AMH: variants seen among roughly 807,000 people sequenced by gnomAD.
AMH encodes the protein anti-Mullerian hormone.
A neutral mutation model predicts 33.3 loss-of-function variants in AMH; 39 were observed. That is an observed-to-expected ratio of 1.17 (90% CI 0.91 to 1.53). The LOEUF is 1.53. Among genes scored for constraint, AMH ranks in the 40% most tolerant of loss-of-function variants. The pLI is 0.00. For missense variants in AMH, 1,019 were observed against 799.8 expected (o/e 1.27, Z -3.30); for synonymous variants, 536 against 403.0 (o/e 1.33, Z -3.95).
rs774060964 is a variant in AMH at position 2,249,336 on chromosome 19, C to G, written c.4C>G (p.Arg2Gly). The part of the protein sequence containing the change: M[R>G]DLPLTSLALV... Reference sequence around the variant, plus strand: ...CCAGCCCCTGGCAGCACCCACGATGCGGGACCTGCCTCTCACCAGCCTGGC... The same window carrying G: ...CCAGCCCCTGGCAGCACCCACGATGGGGGACCTGCCTCTCACCAGCCTGGC... Residue 2 changes from arginine to glycine, a missense_variant, in exon 1 of 5, where the codon CGG becomes GGG. Transcript: ENST00000221496. 2 of 1,564,810 alleles carry G rather than the reference C, an allele frequency of 1.3e-6. No homozygotes were observed. The highest frequency in any genetic ancestry group is 2.3e-5 in the South Asian group (2 of 85,644).
At position 2,251,166 on chromosome 19, in the gene AMH, G is replaced by C. The variant is rs1187038949; in HGVS notation, c.892G>C (p.Val298Leu). The change falls in exon 5 of 5, where the codon GTG (valine) becomes CTG (leucine). Residue 298 changes from valine to leucine, a missense_variant. Physicochemically the swap from Val to Leu is conservative, Grantham distance 32. Transcript: ENST00000221496. ...DPFLETLTRL[V>L]RALRVPPARA... ...CTTCCTGGAGACGCTCACGCGCCTG[G>C]TGCGGGCGCTGCGGGTCCCCCCGGC... The C allele has an allele frequency of 3.3e-6, 5 of 1,519,704 alleles. No homozygotes were observed. In the Admixed American group the frequency reaches 6.0e-5, roughly 18 times the overall value. 94.1% of individuals were successfully genotyped at this position (1,519,704 alleles called of 1,614,324 possible).
In AMH at chr19:2,249,595, A is replaced by G. The variant is rs749406266; in HGVS notation, c.263A>G (p.Gln88Arg). Residue 88 changes from glutamine (Q) to arginine (R), a missense_variant, in exon 1 of 5, where the codon CAG (glutamine) becomes CGG (arginine). Physicochemically the swap from Gln to Arg is conservative, Grantham distance 43. Transcript: ENST00000221496. The part of the protein sequence containing the change: ...AYEQAFLGAV[Q>R]RARWGPRDLA... ...GAGCAGGCCTTCCTGGGGGCCGTGC[A>G]GAGGGCCCGCTGGGGCCCCCGAGAC... is the stretch of plus-strand genomic sequence containing the variant. 10 of 1,558,320 alleles carry G rather than the reference A, an allele frequency of 6.4e-6. No homozygotes were observed. The East Asian group carries it at 2.1e-4, about 33-fold the overall frequency.
rs367556494 is a variant in AMH at position 2,251,694 on chromosome 19, G to A, written c.1420G>A (p.Glu474Lys). The A allele has an allele frequency of 6.2e-7, 1 of 1,611,296 alleles. No individual in the cohort carries two copies. Among genetic ancestry groups the A allele is most frequent in the African/African-American group, 1.3e-5 (1 of 74,848 alleles). Residue 474 changes from glutamate (E) to lysine (K), a missense_variant, in exon 5 of 5, where the codon GAG becomes AAG. Physicochemically the swap from Glu to Lys is moderately conservative, Grantham distance 56 (BLOSUM62 1). Transcript: ENST00000221496. Reference sequence around the variant, plus strand: ...CGAGCTCAGCGTAGACCTCCGCGCCGAGCGCTCCGTACTCATCCCCGAGAC... The same window carrying A: ...CGAGCTCAGCGTAGACCTCCGCGCCAAGCGCTCCGTACTCATCCCCGAGAC... ...LRELSVDLRA[E>K]RSVLIPETYQ...
In AMH at chr19:2,249,513, G is replaced by A. The variant is rs769745728; in HGVS notation, c.181G>A (p.Gly61Arg). ...QEPLCLVALGGDSNGSSSPLR... is the reference protein window; with the variant it reads ...QEPLCLVALGRDSNGSSSPLR... ...GCCTCTGTGCCTGGTGGCACTGGGC[G>A]GGGACAGCAATGGCAGCAGCTCCCC... Residue 61 changes from glycine to arginine, a missense_variant, in exon 1 of 5, where the codon GGG becomes AGG. Coordinates refer to ENST00000221496, the MANE Select transcript of AMH (RefSeq NM_000479.5). 87 of 1,604,980 alleles carry A rather than the reference G, an allele frequency of 5.4e-5. No individual in the cohort carries two copies. The highest frequency in any genetic ancestry group is 9.4e-5 in the African/African-American group (7 of 74,796).
Position 2,251,537 on chromosome 19 carries a change from C to T in AMH, c.1263C>T (p.Pro421=), listed in dbSNP as rs989596966. The change falls in exon 5 of 5, where the codon CCC becomes CCT. Residue 421 remains proline, a synonymous_variant. Transcript: ENST00000221496. The stretch of plus-strand genomic sequence containing the variant: ...GTGGCCCCGGCGGCCTCGGCGATCC[C>T]CTGCGAGCGCTGCTGCTCCTGAAGG... ...CPGGPGGLGD[P]LRALLLLKAL... is the part of the protein sequence containing the mutation. 25 of 1,340,868 alleles carry T rather than the reference C, an allele frequency of 1.9e-5. No individual in the cohort carries two copies. The highest frequency in any genetic ancestry group is 2.4e-5 in the Non-Finnish European group (25 of 1,048,386). 83.1% of individuals were successfully genotyped at this position (1,340,868 alleles called of 1,614,324 possible).
Position 2,251,132 on chromosome 19 carries a change from C to T in AMH, c.858C>T (p.Ser286=), listed in dbSNP as rs1372298456. Residue 286 remains serine, a synonymous_variant, in exon 5 of 5, where the codon AGC becomes AGT. Coordinates refer to ENST00000221496, the MANE Select transcript of AMH (RefSeq NM_000479.5). ...CGGAACTCGAGGAGTCGCCACCCAG[C>T]GCAGACCCCTTCCTGGAGACGCTCA... ...PSAELEESPP[S]ADPFLETLTR... 7 of 1,537,486 alleles carry T rather than the reference C, an allele frequency of 4.6e-6. No individual in the cohort carries two copies. The African/African-American group carries it at 7.0e-5, about 15-fold the overall frequency.
intron 1 of AMH, 41 bp downstream of exon 1, chr19:2,249,785 C>G (rs758289044): frequency 1.3e-5 from 19 of 1,464,680 alleles, no homozygotes; most frequent in Non-Finnish European, 1.7e-5. Context: ...CGCCGTCTTC[C>G]TTCAGGTGGG....
Position 2,251,608 on chromosome 19 carries a change from G to A in AMH, c.1334G>A (p.Gly445Glu), listed in dbSNP as rs768551724. The change falls in exon 5 of 5, where the codon GGG becomes GAG. Residue 445 changes from glycine (G) to glutamate (E), a missense_variant. Gly to Glu is a moderately conservative substitution (Grantham distance 98, BLOSUM62 -2). Coordinates refer to ENST00000221496, the MANE Select transcript of AMH (RefSeq NM_000479.5). ...RVEWRGRDPR[G>E]PGRAQRSAGA... ...GAGTGGCGCGGGCGGGATCCGCGCG[G>A]GCCGGGTCGGGCACAGCGCAGCGCG... 3 of 1,323,656 alleles carry A rather than the reference G, an allele frequency of 2.3e-6. No homozygotes were observed. Among genetic ancestry groups the A allele is most frequent in the South Asian group, 4.4e-5 (2 of 45,226 alleles). The allele number at this position is 1,323,656 out of a possible 1,614,324, so 82.0% of individuals were successfully genotyped here. A position where few individuals can be genotyped will look rare whatever the true frequency, so the allele number is the denominator to read the frequency against.
At chr19:2,249,988 C>T in intron 1 of AMH, 1 of 624,068 alleles carries the variant, frequency 1.6e-6, no homozygotes, top group South Asian at 2.1e-5. Flanking sequence ...TGCCTTCTCC[C>T]CACCCCTGAA....
Position 2,249,603 on chromosome 19 carries a change from C to A in AMH, c.271C>A (p.Arg91Ser). The A allele has an allele frequency of 6.5e-7, 1 of 1,548,636 alleles. No individual in the cohort carries two copies. The highest frequency in any genetic ancestry group is 1.2e-5 in the South Asian group (1 of 85,492). Residue 91 changes from arginine to serine, a missense_variant, in exon 1 of 5, where the codon CGC (arginine) becomes AGC (serine). Arg to Ser is a moderately radical substitution (Grantham distance 110). Transcript: ENST00000221496. ...CTTCCTGGGGGCCGTGCAGAGGGCC[C>A]GCTGGGGCCCCCGAGACCTGGCCAC... is the stretch of plus-strand genomic sequence containing the variant. ...QAFLGAVQRA[R>S]WGPRDLATFG...
At position 2,250,945 on chromosome 19, in the gene AMH, G is replaced by A. The variant is rs753231264; in HGVS notation, c.761G>A (p.Arg254Gln). The part of the protein sequence containing the change: ...RMTPALLLLP[R>Q]SEPAPLPAHG... ...ACCCCGGCCCTGCTCCTGCTGCCGCGGTCCGAGCCCGCGCCGCTGCCTGCG... is the reference window on the plus strand; with the variant it reads ...ACCCCGGCCCTGCTCCTGCTGCCGCAGTCCGAGCCCGCGCCGCTGCCTGCG... The change falls in exon 4 of 5, where the codon CGG (arginine) becomes CAG (glutamine). Residue 254 changes from arginine (R) to glutamine (Q), a missense_variant. Transcript: ENST00000221496. The A allele has an allele frequency of 1.3e-6, 2 of 1,538,632 alleles. No homozygotes were observed. Among genetic ancestry groups the A allele is most frequent in the South Asian group, 1.2e-5 (1 of 84,152 alleles).
Position 2,251,417 on chromosome 19 carries a change from T to G in AMH, c.1143T>G (p.Ala381=), listed in dbSNP as rs947845679. 1 of 1,445,246 alleles carries G rather than the reference T, an allele frequency of 6.9e-7. No individual in the cohort carries two copies. Among genetic ancestry groups the G allele is most frequent in the Admixed American group, 2.7e-5 (1 of 37,376 alleles). The allele number at this position is 1,445,246 out of a possible 1,614,324, so 89.5% of individuals were successfully genotyped here. Residue 381 remains alanine (A), a synonymous_variant, in exon 5 of 5, where the codon GCT becomes GCG. Coordinates refer to ENST00000221496, the MANE Select transcript of AMH (RefSeq NM_000479.5). ...CGGCCCTGGCGCGCCGCGTGGCTGC[T>G]GAACTGCAAGCGGCGGCTGCCGAGC... is the stretch of plus-strand genomic sequence containing the variant. ...WATALARRVA[A]ELQAAAAELR...
At chr19:2,249,772 C>T (rs1385721941) in intron 1 of AMH, 28 bp downstream of exon 1, 3 of 1,480,962 alleles carry the variant, frequency 2.0e-6, no homozygotes, top group East Asian at 4.7e-5. Flanking sequence ...CCAAGCTTGG[C>T]ACCGCCGTCT....
Position 2,250,896 on chromosome 19 carries a change from G to T in AMH, c.712G>T (p.Asp238Tyr). The T allele has an allele frequency of 1.0e-5, 16 of 1,573,368 alleles. No homozygotes were observed. Among genetic ancestry groups the T allele is most frequent in the Non-Finnish European group, 1.4e-5 (16 of 1,168,378 alleles). ...GCTGCAGGCACTGCTGTTCGGCGAC[G>T]ACCACCGCTGCTTCACACGGATGAC... ...ARLQALLFGD[D>Y]HRCFTRMTPA... The change falls in exon 4 of 5, where the codon GAC becomes TAC. Residue 238 changes from aspartate (D) to tyrosine (Y), a missense_variant. Asp to Tyr is a radical substitution (Grantham distance 160). Coordinates refer to ENST00000221496, the MANE Select transcript of AMH (RefSeq NM_000479.5).
At chr19:2,249,906 A>G (rs1451362799) in intron 1 of AMH, 162 bp downstream of exon 1, 1 of 828,560 alleles carries the variant, frequency 1.2e-6, no homozygotes, top group South Asian at 2.0e-5. Flanking sequence ...GAAGGTGGGC[A>G]CCACACTCTG....
At position 2,249,341 on chromosome 19, in the gene AMH, C is replaced by T; in HGVS notation, c.9C>T (p.Asp3=). 1.9e-6 allele frequency: 3 copies of T among 1,570,618 alleles called. No individual in the cohort carries two copies. The highest frequency in any genetic ancestry group is 2.6e-6 in the Non-Finnish European group (3 of 1,159,966). MR[D]LPLTSLALVL... Reference sequence around the variant, plus strand: ...CCCTGGCAGCACCCACGATGCGGGACCTGCCTCTCACCAGCCTGGCCCTAG... The same window carrying T: ...CCCTGGCAGCACCCACGATGCGGGATCTGCCTCTCACCAGCCTGGCCCTAG... Residue 3 remains aspartate (D), a synonymous_variant, in exon 1 of 5, where the codon GAC becomes GAT. Coordinates refer to ENST00000221496, the MANE Select transcript of AMH (RefSeq NM_000479.5).
At chr19:2,249,832 C>T in intron 1 of AMH, 88 bp downstream of exon 1, 2 of 1,379,936 alleles carry the variant, frequency 1.4e-6, no homozygotes, top group Non-Finnish European at 1.9e-6. Context: ...GCTGGCAGAG[C>T]CCCCACCCTG....
Position 2,250,988 on chromosome 19 carries a change from C to T in AMH, c.804C>T (p.Thr268=), listed in dbSNP as rs1159978819. 1 of 1,515,296 alleles carries T rather than the reference C, an allele frequency of 6.6e-7. No homozygotes were observed. Among genetic ancestry groups the T allele is most frequent in the East Asian group, 2.6e-5 (1 of 38,532 alleles). 93.9% of individuals were successfully genotyped at this position (1,515,296 alleles called of 1,614,324 possible). A position where few individuals can be genotyped will look rare whatever the true frequency, so the allele number is the denominator to read the frequency against. The change falls in exon 4 of 5, where the codon ACC becomes ACT. Residue 268 remains threonine (T), a synonymous_variant. Coordinates refer to ENST00000221496, the MANE Select transcript of AMH (RefSeq NM_000479.5). ...TGCCTGCGCACGGCCAGCTGGACAC[C>T]GTGCCCTTCCCGCCGCCCAGGTGCG... ...APLPAHGQLD[T]VPFPPPRPSA... is the part of the protein sequence containing the mutation.
Position 2,251,439 on chromosome 19 carries a change from G to A in AMH, c.1165G>A (p.Glu389Lys). 2 of 1,438,406 alleles carry A rather than the reference G, an allele frequency of 1.4e-6. No homozygotes were observed. Among genetic ancestry groups the A allele is most frequent in the African/African-American group, 3.0e-5 (2 of 67,118 alleles). 89.1% of individuals were successfully genotyped at this position (1,438,406 alleles called of 1,614,324 possible). A position where few individuals can be genotyped will look rare whatever the true frequency, so the allele number is the denominator to read the frequency against. The change falls in exon 5 of 5, where the codon GAG (glutamate) becomes AAG (lysine). Residue 389 changes from glutamate (E) to lysine (K), a missense_variant. Physicochemically the swap from Glu to Lys is moderately conservative, Grantham distance 56 (BLOSUM62 1). Coordinates refer to ENST00000221496, the MANE Select transcript of AMH (RefSeq NM_000479.5). ...VAAELQAAAA[E>K]LRSLPGLPPA... ...TGCTGAACTGCAAGCGGCGGCTGCC[G>A]AGCTGCGAAGCCTCCCGGGTCTGCC... is the stretch of plus-strand genomic sequence containing the variant.
Sources: allele counts gnomAD v4.1 joint callset, GRCh38; gene constraint gnomAD v4.1.1; transcripts MANE v1.5; gene names NCBI Gene and HGNC (gene_info 2026-07-23, HGNC 2026-07-21).